The following LRRN2 variants were observed in gnomAD, a reference collection of about 807,000 sequenced individuals.
The protein encoded by LRRN2 is leucine-rich repeat neuronal protein 2.
In LRRN2, 10 loss-of-function variants were observed where a neutral mutation model predicts 35.7. The observed-to-expected ratio is 0.28, with a 90% CI of 0.17 to 0.47. The LOEUF (loss-of-function observed/expected upper bound fraction) is 0.47, where lower values mean the gene tolerates loss of function less well. Among genes scored for constraint, LRRN2 ranks in the 20% least tolerant of loss-of-function variants. The pLI, the probability that LRRN2 is intolerant of heterozygous loss-of-function variation, is 0.99. For synonymous variants in LRRN2, 391 were observed against 409.6 expected (o/e 0.95, Z 0.55); for missense variants, 731 against 940.3 (o/e 0.78, Z 2.91).
At chr1:204,631,608 A>C (rs908596582) in intron 1 of LRRN2, among the ~76,000 whole-genome samples, 1 of 151,922 alleles carries the variant, frequency 6.6e-6, no homozygotes, top group East Asian at 2.0e-4. Flanking sequence ...AAGTTAGACA[A>C]ACATTCAGAG....
chr1:204,642,695 T>C (rs1216145128), intron 1 of LRRN2, among the ~76,000 whole-genome samples: 1 of 152,218 alleles, frequency 6.6e-6, no homozygotes, highest in Non-Finnish European at 1.5e-5. Context: ...GCTGATGGCT[T>C]TCTCTGGTCC....
intron 1 of LRRN2, among the ~76,000 whole-genome samples, chr1:204,632,108 C>T (rs1382237062): frequency 6.6e-6 from 1 of 152,068 alleles, no homozygotes; most frequent in Non-Finnish European, 1.5e-5. Context: ...GTGGCTCATA[C>T]CTGTAGTTCT....
rs745814419 is a variant in LRRN2 at position 204,618,559 on chromosome 1, G to C, written c.1434C>G (p.Pro478=). 11 of 1,614,074 alleles carry C rather than the reference G, an allele frequency of 6.8e-6. 1 individual carries two copies. The highest frequency in any genetic ancestry group is 1.6e-4 in the Middle Eastern group (1 of 6,062). Residue 478 remains proline, a synonymous_variant, in exon 2 of 2, where the codon CCC becomes CCG. Transcript: ENST00000367177. ...AHAGRRYRVY[P]EGTLELRRVT... ...CCCTCCGCAGCTCCAGGGTCCCCTC[G>C]GGGTACACCCGGTACCTCCTGCCTG...
chr1:204,682,812 C>G (rs941407127), intron 1 of LRRN2: 4 of 152,172 alleles, frequency 2.6e-5, no homozygotes, highest in African/African-American at 9.7e-5. Flanking sequence ...TAAGCGGTAC[C>G]TGGCATGTTA....
At chr1:204,666,084 A>G (rs918947770) in intron 1 of LRRN2, among the ~76,000 whole-genome samples, 4 of 152,270 alleles carry the variant, frequency 2.6e-5, no homozygotes, top group African/African-American at 9.6e-5. Context: ...GATGCAAAAT[A>G]CTATGAAAAG....
intron 1 of LRRN2, among the ~76,000 whole-genome samples, chr1:204,672,163 C>T (rs562633505): frequency 1.3e-5 from 2 of 152,296 alleles, no homozygotes; most frequent in South Asian, 4.1e-4. Context: ...CATGAAGTAG[C>T]CCCTCCAGGG....
At chr1:204,629,994 A>G (rs887566246) in intron 1 of LRRN2, among the ~76,000 whole-genome samples, 1 of 152,222 alleles carries the variant, frequency 6.6e-6, no homozygotes, top group African/African-American at 2.4e-5. Context: ...TATCAGGTAT[A>G]TGCTCACTAC....
intron 1 of LRRN2, among the ~76,000 whole-genome samples, chr1:204,674,753 C>T (rs927531425): frequency 6.6e-6 from 1 of 152,146 alleles, no homozygotes; most frequent in African/African-American, 2.4e-5. Flanking sequence ...TGACCAGTTC[C>T]AGGACAAAGA....
rs1666686457 is a variant in LRRN2, at chr1:204,619,538, T to A, written c.455A>T (p.Gln152Leu). 6.2e-7 allele frequency: 1 copy of A among 1,614,042 alleles called. No individual in the cohort carries two copies. The highest frequency in any genetic ancestry group is 1.3e-5 in the African/African-American group (1 of 74,912). ...GGCCCTGGGGGCGATGCGGTAGAGCTGGTTGTGGTTGAGATAGAGTTCCTG... is the reference window on the plus strand; with the variant it reads ...GGCCCTGGGGGCGATGCGGTAGAGCAGGTTGTGGTTGAGATAGAGTTCCTG... Reference protein sequence around the residue: ...SLQELYLNHNQLYRIAPRAFS... With the variant: ...SLQELYLNHNLLYRIAPRAFS... Residue 152 changes from glutamine (Q) to leucine (L), a missense_variant, in exon 2 of 2, where the codon CAG becomes CTG. Physicochemically the swap from Gln to Leu is moderately radical, Grantham distance 113. This residue lies in a region of LRRN2 where 246 missense variants were observed against 289.5 expected (regional missense o/e 0.85). Coordinates refer to ENST00000367177, the MANE Select transcript of LRRN2 (RefSeq NM_201630.2).
chr1:204,623,186 G>T (rs1221753833), intron 1 of LRRN2, among the ~76,000 whole-genome samples: 1 of 152,184 alleles, frequency 6.6e-6, no homozygotes. Flanking sequence ...GGGGTCTTCA[G>T]CTGGGCCCCA....
intron 1 of LRRN2, among the ~76,000 whole-genome samples, chr1:204,634,227 A>G (rs981449331): frequency 6.6e-6 from 1 of 152,242 alleles, no homozygotes; most frequent in Admixed American, 6.5e-5. Context: ...AAGAGCAGAA[A>G]ATGAAAAGTG....
rs375246174 is a variant in LRRN2 at position 204,618,052 on chromosome 1, C to T, written c.1941G>A (p.Ala647=). 23 of 1,612,986 alleles carry T rather than the reference C, an allele frequency of 1.4e-5. No homozygotes were observed. Among genetic ancestry groups the T allele is most frequent in the Middle Eastern group, 1.7e-4 (1 of 6,040 alleles). Residue 647 remains alanine, a synonymous_variant, in exon 2 of 2, where the codon GCG becomes GCA. Transcript: ENST00000367177. ...TGGGTTGGCCTGTGCCAAGGTGGGC[C>T]GCTAGCCCAGCTGCCAGGAGAAGGA... ...LAVLLLAAGL[A]AHLGTGQPRK...
intron 1 of LRRN2, among the ~76,000 whole-genome samples, chr1:204,673,038 C>G (rs1002167260): frequency 2.0e-5 from 3 of 152,114 alleles, no homozygotes; most frequent in Admixed American, 6.5e-5. Context: ...GGGCCACCCC[C>G]TCTCTGCTAC....
At chr1:204,626,942 CT>C (rs1161873175) in intron 1 of LRRN2, 2 of 144,210 alleles carry the variant, frequency 1.4e-5, no homozygotes, top group Non-Finnish European at 3.0e-5. Context: ...AAGGCTTTTT[CT>C]TTTTTCTTTT....
At chr1:204,648,857 C>A (rs769907111) in intron 1 of LRRN2, among the ~76,000 whole-genome samples, 4 of 152,126 alleles carry the variant, frequency 2.6e-5, no homozygotes, top group Non-Finnish European at 5.9e-5. Context: ...CTGAGATTAC[C>A]CAGTGGTGGT....
intron 1 of LRRN2, among the ~76,000 whole-genome samples, chr1:204,678,411 C>T (rs1012241190): frequency 6.6e-6 from 1 of 152,170 alleles, no homozygotes; most frequent in Non-Finnish European, 1.5e-5. Flanking sequence ...CCTGACTAGC[C>T]GCTGAGGGAA....
At chr1:204,648,628 C>G (rs371578661) in intron 1 of LRRN2, among the ~76,000 whole-genome samples, 37 of 152,190 alleles carry the variant, frequency 2.4e-4, no homozygotes, top group Non-Finnish European at 3.7e-4. Flanking sequence ...CCTCGCCCCC[C>G]CACCCAACCT....
chr1:204,618,983 A>C lies in LRRN2; in HGVS notation c.1010T>G (p.Met337Arg). 6.2e-7 allele frequency: 1 copy of C among 1,613,364 alleles called. No homozygotes were observed. The highest frequency in any genetic ancestry group is 8.5e-7 in the Non-Finnish European group (1 of 1,179,378). The change falls in exon 2 of 2, where the codon ATG (methionine) becomes AGG (arginine). Residue 337 changes from methionine to arginine, a missense_variant. Physicochemically the swap from Met to Arg is moderately conservative, Grantham distance 91. Transcript: ENST00000367177. ...HPRAFHHLPQ[M>R]ETLMLNNNAL... is the part of the protein sequence containing the mutation. Reference sequence around the variant, plus strand: ...GTTGTTGTTGAGCATGAGGGTCTCCATCTGGGGCAGGTGGTGGAAGGCGCG... The same window carrying C: ...GTTGTTGTTGAGCATGAGGGTCTCCCTCTGGGGCAGGTGGTGGAAGGCGCG...
intron 1 of LRRN2, among the ~76,000 whole-genome samples, chr1:204,624,216 A>G (rs1193460751): frequency 1.3e-5 from 2 of 151,712 alleles, no homozygotes; most frequent in Non-Finnish European, 2.9e-5. Context: ...GCCTAGAACA[A>G]CCCCCCTGGG....
Sources: gnomAD v4.1 joint callset for allele counts (sites outside exome capture counted in the v4.1 genomes callset) on GRCh38, gnomAD v4.1.1 for gene constraint, gnomAD v4.1.1 regional missense constraint, MANE v1.5 for transcripts, NCBI Gene and HGNC (gene_info 2026-07-23, HGNC 2026-07-21) for gene names.